The following ALDH16A1 variants were observed in gnomAD, a reference collection of about 807,000 sequenced individuals.
ALDH16A1 encodes aldehyde dehydrogenase 16 family member A1.
Under a neutral mutation model 96.1 loss-of-function variants are expected in ALDH16A1, and 88 were observed. The observed-to-expected ratio is 0.92, with a 90% confidence interval of 0.77 to 1.09. ALDH16A1 has a LOEUF of 1.09. Among genes scored for constraint, ALDH16A1 ranks in the 50% least tolerant of loss-of-function variants. ALDH16A1 has a pLI of 0.00. For missense variants in ALDH16A1, 1,250 were observed against 1,112.6 expected (o/e 1.12, Z -1.76); for synonymous variants, 522 against 496.4 (o/e 1.05, Z -0.69).
intron 1 of ALDH16A1, among the ~76,000 whole-genome samples, chr19:49,454,323 A>G (rs2079092556): frequency 6.6e-6 from 1 of 152,096 alleles, no homozygotes; most frequent in Non-Finnish European, 1.5e-5. Flanking sequence ...GCACCCAGCC[A>G]CATCAGGACT....
chr19:49,454,693 TC>T (rs1170284782), intron 1 of ALDH16A1, among the ~76,000 whole-genome samples: 2 of 152,116 alleles, frequency 1.3e-5, no homozygotes, highest in African/African-American at 2.4e-5. Context: ...AGAGCAATGA[TC>T]CAAGTGGAAG....
chr19:49,468,979 C>A lies in ALDH16A1; in HGVS notation c.2240C>A (p.Ser747Ter). 1 of 1,612,550 alleles carries A rather than the reference C, an allele frequency of 6.2e-7. No homozygotes were observed. Among genetic ancestry groups the A allele is most frequent in the South Asian group, 1.1e-5 (1 of 90,990 alleles). The change falls in exon 16 of 17, where the codon TCA (serine) becomes TAA (stop). Residue 747 changes from serine (S) to a stop codon, truncating the protein, a stop_gained. Coordinates refer to ENST00000293350, the MANE Select transcript of ALDH16A1 (RefSeq NM_153329.4). LOFTEE classifies it high-confidence loss of function. The surrounding 1 kb of genome is among the most constrained non-coding windows in gnomAD (Gnocchi z 4.4). The part of the protein sequence containing the change: ...QDVQAMWYFG[S>*]AQGSQFVEWA... ...GTCCAGGCCATGTGGTATTTCGGATCAGCCCAGGTGCTCTTTGTTCTGTTT... is the reference window on the plus strand; with the variant it reads ...GTCCAGGCCATGTGGTATTTCGGATAAGCCCAGGTGCTCTTTGTTCTGTTT...
chr19:49,460,747 G>A, intron 4 of ALDH16A1, 75 bp from the exon 5 acceptor site: 1 of 1,301,822 alleles, frequency 7.7e-7, no homozygotes, highest in South Asian at 1.2e-5. Context: ...TAGCCATGGG[G>A]TCTTGCCATG....
intron 1 of ALDH16A1, among the ~76,000 whole-genome samples, chr19:49,456,976 C>T (rs985713452): frequency 2.6e-5 from 4 of 152,044 alleles, no homozygotes; most frequent in East Asian, 3.9e-4. Flanking sequence ...GGCATGGTGG[C>T]GGCCGCCTGT....
rs2079238595 is a variant in ALDH16A1, at chr19:49,470,655, T to C, written c.*188T>C. Reference sequence around the variant, plus strand: ...CAGATATGAGGCTTTTTTCTTTTTTTTTTTTTTTTTTGAGACAACGTCTGG... The same window carrying C: ...CAGATATGAGGCTTTTTTCTTTTTTCTTTTTTTTTTTGAGACAACGTCTGG... On this transcript the variant is annotated 3_prime_UTR_variant, in exon 17 of 17. Coordinates refer to ENST00000293350, the MANE Select transcript of ALDH16A1 (RefSeq NM_153329.4). 20 of 576,770 alleles carry C rather than the reference T, an allele frequency of 3.5e-5. No individual in the cohort carries two copies. The highest frequency in any genetic ancestry group is 6.0e-5 in the African/African-American group (3 of 50,254). The allele number at this position is 576,770 out of a possible 1,614,324, so 35.7% of individuals were successfully genotyped here. A position where few individuals can be genotyped will look rare whatever the true frequency, so the allele number is the denominator to read the frequency against.
chr19:49,466,149 CG>C lies in ALDH16A1; in HGVS notation c.1806del (p.Lys603SerfsTer24). 1 of 1,559,092 alleles carries C rather than the reference CG, an allele frequency of 6.4e-7. No individual in the cohort carries two copies. Among genetic ancestry groups the C allele is most frequent in the Non-Finnish European group, 8.7e-7 (1 of 1,154,130 alleles). On this transcript the variant is annotated frameshift_variant, in exon 14 of 17. Transcript: ENST00000293350. LOFTEE classifies it high-confidence loss of function. ...GGCCCTGGCGGCTGCACTGGAGCGC[CG>C]GAAGTCTACCCTGGCCTCGAGGCTG... ...LWALAAALER[R>X]KSTLASRLER...
At chr19:49,461,497 A>C in intron 5 of ALDH16A1, 122 bp from the exon 6 acceptor site, 1 of 186,670 alleles carries the variant, frequency 5.4e-6, no homozygotes, top group Non-Finnish European at 9.2e-6. Context: ...CTGAGGGAGG[A>C]GGGGCTGGAG....
chr19:49,462,386 C>T (rs544466090), intron 7 of ALDH16A1, among the ~76,000 whole-genome samples, 184 bp from the exon 8 acceptor site: 3 of 152,132 alleles, frequency 2.0e-5, no homozygotes, highest in Admixed American at 1.3e-4. Context: ...CCGCCCACCT[C>T]GGCCTCCCAA....
In ALDH16A1 at chr19:49,462,662, G is replaced by C; in HGVS notation, c.1005G>C (p.Gly335=). The change falls in exon 8 of 17, where the codon GGG becomes GGC. Residue 335 remains glycine, a synonymous_variant. Coordinates refer to ENST00000293350, the MANE Select transcript of ALDH16A1 (RefSeq NM_153329.4). ...ERMGRLRSGR[G]LDGAVDMGAR... ...TGGGGCGGCTTCGGAGTGGCCGAGG[G>C]CTGGATGGGGCCGTGGACATGGGGG... The C allele has an allele frequency of 6.2e-7, 1 of 1,611,766 alleles. No homozygotes were observed. Among genetic ancestry groups the C allele is most frequent in the Non-Finnish European group, 8.5e-7 (1 of 1,179,716 alleles).
Position 49,468,334 on chromosome 19 carries a change from G to A in ALDH16A1, c.1939-47G>A, listed in dbSNP as rs1306594493. The A allele has an allele frequency of 1.9e-6, 3 of 1,566,542 alleles. No individual in the cohort carries two copies. The African/African-American group carries it at 4.0e-5, about 21-fold the overall frequency. ...AGAGGAACTGGATCTCTCATTTACT[G>A]CGGGCGGGGCTCCCCTGCCCCACAC... On this transcript the variant is annotated intron_variant, in intron 14 of 16. Transcript: ENST00000293350. This position sits in a 1 kb window ranked among gnomAD's most constrained non-coding sequence, Gnocchi z 4.4.
intron 16 of ALDH16A1, 183 bp from the exon 17 acceptor site, chr19:49,470,123 C>T: frequency 1.5e-6 from 1 of 678,594 alleles, no homozygotes; most frequent in East Asian, 3.0e-5. Context: ...AATTCCCTAA[C>T]CACTGGGTCC....
At chr19:49,465,031 C>T (rs1190510371) in intron 12 of ALDH16A1, among the ~76,000 whole-genome samples, 1 of 152,032 alleles carries the variant, frequency 6.6e-6, no homozygotes, top group Non-Finnish European at 1.5e-5. Flanking sequence ...GCTTGGGGTC[C>T]CTCAGAGGCT....
chr19:49,465,593 G>C, intron 12 of ALDH16A1, 145 bp from the exon 13 acceptor site: 2 of 989,920 alleles, frequency 2.0e-6, no homozygotes. Context: ...AGGAGTTTTA[G>C]GGTCCCCCAG....
chr19:49,455,031 T>G (rs1473532371), intron 1 of ALDH16A1, among the ~76,000 whole-genome samples: 1 of 147,128 alleles, frequency 6.8e-6, no homozygotes, highest in Non-Finnish European at 1.5e-5. Context: ...GGTGGGAGAA[T>G]TGCTTGAATC....
rs55713893 is a variant in ALDH16A1, at chr19:49,470,648, C to CTTTTT, written c.*195_*199dup. The CTTTTT allele has an allele frequency of 5.6e-5, 19 of 342,172 alleles. No homozygotes were observed. The highest frequency in any genetic ancestry group is 1.6e-4 in the African/African-American group (6 of 38,546). The allele number at this position is 342,172 out of a possible 1,614,324, so 21.2% of individuals were successfully genotyped here. A position where few individuals can be genotyped will look rare whatever the true frequency, so the allele number is the denominator to read the frequency against. On this transcript the variant is annotated 3_prime_UTR_variant, in exon 17 of 17. Coordinates refer to ENST00000293350, the MANE Select transcript of ALDH16A1 (RefSeq NM_153329.4). ...CTTCTGGCAGATATGAGGCTTTTTT[C>CTTTTT]TTTTTTTTTTTTTTTTTTGAGACAA...
Position 49,464,174 on chromosome 19 carries a change from G to A in ALDH16A1, c.1242G>A (p.Glu414=). 1 of 1,608,754 alleles carries A rather than the reference G, an allele frequency of 6.2e-7. No homozygotes were observed. The highest frequency in any genetic ancestry group is 8.5e-7 in the Non-Finnish European group (1 of 1,179,604). The change falls in exon 10 of 17, where the codon GAG becomes GAA. Residue 414 remains glutamate, a synonymous_variant. Coordinates refer to ENST00000293350, the MANE Select transcript of ALDH16A1 (RefSeq NM_153329.4). ...CCTCCCCCTTCCGCACAGCCAAGGA[G>A]GCACTGTTGGTGGCCAACGGGACGC... ...VVASPFRTAK[E]ALLVANGTPR...
intron 1 of ALDH16A1, among the ~76,000 whole-genome samples, chr19:49,454,302 C>T (rs1370268756): frequency 6.6e-6 from 1 of 152,110 alleles, no homozygotes; most frequent in Non-Finnish European, 1.5e-5. Context: ...GGATTACAGG[C>T]GTGAGCTACT....
At chr19:49,460,112 C>A (rs2079130026) in intron 4 of ALDH16A1, among the ~76,000 whole-genome samples, 1 of 152,000 alleles carries the variant, frequency 6.6e-6, no homozygotes, top group South Asian at 2.1e-4. Flanking sequence ...GGGGTCTCAT[C>A]ATGTTGGTCA....
In ALDH16A1 at chr19:49,455,266, A is replaced by G. The variant is rs141386426; in HGVS notation, c.90+1845A>G. Among the ~76,000 whole-genome samples the G allele has an allele frequency of 5.5e-3, 828 of 151,512 alleles. 4 individuals are homozygous for G. The highest frequency in any genetic ancestry group is 0.019 in the African/African-American group (798 of 41,230). On this transcript the variant is annotated intron_variant, in intron 1 of 16. Transcript: ENST00000293350. ...CCCATCTCTACTAAAAATACAAAAA[A>G]TTAGCTGGGCGTGGTGGCAGGCACC...
Sources: allele counts gnomAD v4.1 joint callset (sites outside exome capture counted in the v4.1 genomes callset), GRCh38; gene constraint gnomAD v4.1.1; non-coding constraint Gnocchi (gnomAD v3.1); transcripts MANE v1.5; gene names NCBI Gene and HGNC (gene_info 2026-07-23, HGNC 2026-07-21).